RBFOX1: variants seen among roughly 807,000 people sequenced by gnomAD.
The protein encoded by RBFOX1 is RNA binding protein fox-1 homolog 1.
A neutral mutation model predicts 57.7 loss-of-function variants in RBFOX1; 8 were observed. That is an observed-to-expected ratio of 0.14 (90% CI 0.08 to 0.25). RBFOX1 has a LOEUF of 0.25. RBFOX1 is among the 10% of genes least tolerant of loss of function. The probability of loss-of-function intolerance (pLI) is 1.00; values close to 1 mark genes in which losing one functional copy is unlikely to be tolerated. For missense variants in RBFOX1, 611 were observed against 548.5 expected, an observed-to-expected ratio of 1.11 and a Z score of -1.14; for synonymous variants, 326 against 222.4, an observed-to-expected ratio of 1.47 and a Z score of -4.15.
At chr16:7,184,780 T>C (rs2083392738) in intron 4 of RBFOX1, among the ~76,000 whole-genome samples, 1 of 152,218 alleles carries the variant, frequency 6.6e-6, no homozygotes, top group African/African-American at 2.4e-5. Flanking sequence ...ACCTTAGTTC[T>C]GAATGTTTGT....
intron 4 of RBFOX1, among the ~76,000 whole-genome samples, chr16:7,263,934 A>C (rs2095030024): frequency 6.6e-6 from 1 of 151,224 alleles, no homozygotes; most frequent in Non-Finnish European, 1.5e-5. Flanking sequence ...AAAAAAAAAA[A>C]AACAAGTAGA....
chr16:6,551,292 A>T (rs942339797), intron 2 of RBFOX1, among the ~76,000 whole-genome samples: 3 of 152,130 alleles, frequency 2.0e-5, no homozygotes, highest in African/African-American at 7.2e-5. Context: ...TCATGGTTGG[A>T]GCTTTGCTAC....
intron 3 of RBFOX1, among the ~76,000 whole-genome samples, chr16:5,762,313 A>T (rs915520200): frequency 3.3e-5 from 5 of 151,468 alleles, no homozygotes; most frequent in African/African-American, 1.2e-4. Flanking sequence ...GAAATAAGAC[A>T]TAATTTTTTC....
intron 3 of RBFOX1, among the ~76,000 whole-genome samples, chr16:6,853,965 A>T (rs138097663): frequency 9.9e-4 from 151 of 152,274 alleles, no homozygotes; most frequent in African/African-American, 3.4e-3. Context: ...ATTTTTTCAG[A>T]CAGTCATCTC....
intron 2 of RBFOX1, among the ~76,000 whole-genome samples, chr16:6,606,065 C>T (rs923384585): frequency 2.6e-5 from 4 of 151,914 alleles, no homozygotes; most frequent in Admixed American, 6.6e-5. Context: ...GCCGAGATCA[C>T]GCCCCTGCAC....
chr16:7,086,129 G>T (rs1018287915), intron 4 of RBFOX1, among the ~76,000 whole-genome samples: 1 of 152,130 alleles, frequency 6.6e-6, no homozygotes, highest in African/African-American at 2.4e-5. Flanking sequence ...ATCTTGATGG[G>T]ACTACCTATA....
intron 1 of RBFOX1, among the ~76,000 whole-genome samples, chr16:5,333,130 G>C (rs896447024): frequency 1.3e-5 from 2 of 152,302 alleles, no homozygotes; most frequent in Non-Finnish European, 2.9e-5. Context: ...GGAGGTTGCA[G>C]TGAGCCGAGA....
chr16:6,817,897 C>T (rs891191784), intron 3 of RBFOX1, among the ~76,000 whole-genome samples: 3 of 152,126 alleles, frequency 2.0e-5, no homozygotes, highest in Admixed American at 6.5e-5. Context: ...TTGCCTCATA[C>T]CCTGTTCCTG....
chr16:5,502,972 A>G (rs1038928038), intron 2 of RBFOX1, among the ~76,000 whole-genome samples: 7 of 152,230 alleles, frequency 4.6e-5, no homozygotes, highest in Non-Finnish European at 1.0e-4. Flanking sequence ...GGATCATTCT[A>G]TTTAGACGTG....
chr16:6,353,591 T>G (rs2086771078), intron 2 of RBFOX1, among the ~76,000 whole-genome samples: 1 of 152,032 alleles, frequency 6.6e-6, no homozygotes, highest in Admixed American at 6.6e-5. Flanking sequence ...CCAAATGCAT[T>G]GCTTGTGGGG....
At chr16:6,184,645 C>T (rs1306366847) in intron 1 of RBFOX1, among the ~76,000 whole-genome samples, 1 of 152,066 alleles carries the variant, frequency 6.6e-6, no homozygotes, top group African/African-American at 2.4e-5. Context: ...CTGCAACCTC[C>T]GCCTCCCGGG....
intron 2 of RBFOX1, among the ~76,000 whole-genome samples, chr16:6,487,628 A>G (rs1425473468): frequency 6.8e-6 from 1 of 146,244 alleles, no homozygotes; most frequent in Non-Finnish European, 1.5e-5. Flanking sequence ...ATACAATTAT[A>G]GTAGAACTAG....
chr16:7,303,592 A>C (rs868334161), intron 4 of RBFOX1, among the ~76,000 whole-genome samples: 1 of 152,130 alleles, frequency 6.6e-6, no homozygotes, highest in Non-Finnish European at 1.5e-5. Flanking sequence ...AATAATTTTT[A>C]AAAAAAGCGA....
chr16:7,114,952 G>T (rs761516448), intron 4 of RBFOX1, among the ~76,000 whole-genome samples: 1 of 152,272 alleles, frequency 6.6e-6, no homozygotes, highest in African/African-American at 2.4e-5. Context: ...TGAAGCCTCT[G>T]CTTTTAGGAA....
chr16:7,093,350 C>T (rs1444612843), intron 4 of RBFOX1, among the ~76,000 whole-genome samples: 1 of 152,202 alleles, frequency 6.6e-6, no homozygotes, highest in Non-Finnish European at 1.5e-5. Flanking sequence ...TAGTTCAGAG[C>T]CCTGAATGTT....
rs1165644198 is a variant in RBFOX1, at chr16:6,396,065, CA to C, written c.-64+79030del. Among the ~76,000 whole-genome samples the C allele has an allele frequency of 5.3e-3, 326 of 61,482 alleles. 1 individual carries two copies. The South Asian group carries it at 0.055, about 10-fold the overall frequency. The allele number at this position is 61,482 out of a possible 152,430, so 40.3% of individuals were successfully genotyped here. On this transcript the variant is annotated intron_variant, in intron 2 of 15. Coordinates refer to ENST00000550418, the MANE Select transcript of RBFOX1 (RefSeq NM_018723.4). ...TGGGTGACAGAGCAAGACTCCTTCT[CA>C]AAAAAAAAAAAAAAAAAAAAAGGAC...
intron 3 of RBFOX1, among the ~76,000 whole-genome samples, chr16:6,881,605 AGGACCTGAC>A (rs2062949654): frequency 6.6e-6 from 1 of 152,174 alleles, no homozygotes; most frequent in African/African-American, 2.4e-5. Context: ...GCCCACTCTG[AGGACCTGAC>A]TTTAACTTGA....
chr16:5,419,161 C>G (rs957931848), intron 1 of RBFOX1, among the ~76,000 whole-genome samples: 5 of 152,118 alleles, frequency 3.3e-5, no homozygotes, highest in African/African-American at 1.2e-4. Context: ...TATTAGGGTT[C>G]TCTAGAGAAA....
At chr16:5,964,285 C>T (rs984205764) in intron 4 of RBFOX1, among the ~76,000 whole-genome samples, 2 of 152,130 alleles carry the variant, frequency 1.3e-5, no homozygotes, top group African/African-American at 2.4e-5. Context: ...AACTCTTAGG[C>T]ACTTGTTGGT....
Sources: allele counts gnomAD v4.1 joint callset (sites outside exome capture counted in the v4.1 genomes callset), GRCh38; gene constraint gnomAD v4.1.1; transcripts MANE v1.5; gene names NCBI Gene and HGNC (gene_info 2026-07-23, HGNC 2026-07-21).